The following NELL1 variants were observed in gnomAD, a reference collection of about 807,000 sequenced individuals.
The protein encoded by NELL1 is protein kinase C-binding protein NELL1.
NELL1 carries 76 observed loss-of-function variants against 107.4 expected under a neutral mutation model. The observed-to-expected ratio is 0.71, with a 90% confidence interval of 0.59 to 0.86. The LOEUF (loss-of-function observed/expected upper bound fraction) is 0.86. Among genes scored for constraint, NELL1 ranks in the 40% least tolerant of loss-of-function variants. The probability of loss-of-function intolerance (pLI) is 0.00; values close to 1 mark genes in which losing one functional copy is unlikely to be tolerated. For synonymous variants in NELL1, 353 were observed against 341.2 expected (o/e 1.03, Z -0.38); for missense variants, 1,024 against 1,005.5 (o/e 1.02, Z -0.25).
chr11:21,429,706 C>CA (rs1564889494), intron 15 of NELL1, among the ~76,000 whole-genome samples: 1 of 152,152 alleles, frequency 6.6e-6, no homozygotes, highest in Non-Finnish European at 1.5e-5. Flanking sequence ...GGATTGATGA[C>CA]AAAGCCTTTA....
At chr11:20,856,912 A>G (rs1032891337) in intron 4 of NELL1, among the ~76,000 whole-genome samples, 1 of 152,118 alleles carries the variant, frequency 6.6e-6, no homozygotes, top group African/African-American at 2.4e-5. Flanking sequence ...GGAGGTTTTG[A>G]GATGCTAAGT....
intron 14 of NELL1, chr11:21,284,207 C>G (rs1189141239): frequency 2.2e-6 from 1 of 456,688 alleles, no homozygotes; most frequent in Non-Finnish European, 4.4e-6. Context: ...CACCCTAGAT[C>G]TCTATGCCAG....
chr11:21,250,837 C>A (rs1050371250), intron 14 of NELL1, among the ~76,000 whole-genome samples: 1 of 152,162 alleles, frequency 6.6e-6, no homozygotes, highest in Non-Finnish European at 1.5e-5. Flanking sequence ...CTTCTCACTG[C>A]TAAAGGTGGC....
intron 15 of NELL1, among the ~76,000 whole-genome samples, chr11:21,381,833 T>C (rs1851614876): frequency 6.6e-6 from 1 of 151,180 alleles, no homozygotes; most frequent in Non-Finnish European, 1.5e-5. Flanking sequence ...AGTTCTGCTC[T>C]GGGGAAAGAC....
chr11:21,391,766 C>T (rs1851883715), intron 15 of NELL1, among the ~76,000 whole-genome samples: 1 of 151,684 alleles, frequency 6.6e-6, no homozygotes. Context: ...TCTGGAGAAA[C>T]TGGGACTACA....
chr11:20,933,929 A>G (rs555056655), intron 9 of NELL1, among the ~76,000 whole-genome samples: 1 of 152,308 alleles, frequency 6.6e-6, no homozygotes, highest in East Asian at 1.9e-4. Context: ...CTAGGTTTCA[A>G]TTTTGTGTTT....
intron 5 of NELL1, among the ~76,000 whole-genome samples, chr11:20,899,769 T>A (rs1375290604): frequency 6.6e-6 from 1 of 152,088 alleles, no homozygotes; most frequent in Non-Finnish European, 1.5e-5. Flanking sequence ...AAAAAAAGCA[T>A]ATAACAATAA....
At chr11:21,488,648 A>C (rs1418321153) in intron 15 of NELL1, among the ~76,000 whole-genome samples, 2 of 152,192 alleles carry the variant, frequency 1.3e-5, no homozygotes, top group African/African-American at 4.8e-5. Flanking sequence ...TGAAAAGTAT[A>C]CAAATACAAA....
At chr11:20,966,129 C>G (rs1461081812) in intron 12 of NELL1, among the ~76,000 whole-genome samples, 2 of 152,122 alleles carry the variant, frequency 1.3e-5, no homozygotes, top group African/African-American at 4.8e-5. Context: ...GCCGCTGTAA[C>G]AGAACACCTG....
At chr11:20,927,162 CA>C (rs200070894) in intron 7 of NELL1, 145 bp from the exon 8 acceptor site, 11 of 679,296 alleles carry the variant, frequency 1.6e-5, no homozygotes, top group Non-Finnish European at 2.1e-5. Flanking sequence ...ATAAAAAAAA[CA>C]AAAAACAGAT....
intron 16 of NELL1, among the ~76,000 whole-genome samples, chr11:21,558,540 C>A (rs1293481062): frequency 6.6e-6 from 1 of 151,808 alleles, no homozygotes. Context: ...TTCTATTTAA[C>A]TGAAATTTTG....
At chr11:21,342,757 A>G (rs1430489859) in intron 14 of NELL1, among the ~76,000 whole-genome samples, 1 of 151,842 alleles carries the variant, frequency 6.6e-6, no homozygotes, top group African/African-American at 2.4e-5. Context: ...TATGCATGTG[A>G]GGAACTTAGC....
At chr11:21,293,336 A>G (rs1419904579) in intron 14 of NELL1, among the ~76,000 whole-genome samples, 1 of 152,222 alleles carries the variant, frequency 6.6e-6, no homozygotes, top group Admixed American at 6.5e-5. Flanking sequence ...AAAAAAACTC[A>G]TCATCACTGG....
chr11:21,423,166 A>T (rs1037172735), intron 15 of NELL1, among the ~76,000 whole-genome samples: 2 of 152,094 alleles, frequency 1.3e-5, no homozygotes, highest in Non-Finnish European at 2.9e-5. Flanking sequence ...AGAGATGGAG[A>T]CCATCCTCGC....
intron 14 of NELL1, among the ~76,000 whole-genome samples, chr11:21,342,628 A>G (rs1590854394): frequency 6.8e-6 from 1 of 147,248 alleles, no homozygotes. Context: ...TGGATGACAG[A>G]GAGAGACTGT....
chr11:20,853,019 C>T (rs1848820104), intron 4 of NELL1, among the ~76,000 whole-genome samples: 1 of 152,196 alleles, frequency 6.6e-6, no homozygotes, highest in Admixed American at 6.5e-5. Context: ...CTCTCAATTT[C>T]TTACCAGCCT....
chr11:21,173,811 A>G (rs1856657027), intron 13 of NELL1, among the ~76,000 whole-genome samples: 1 of 151,514 alleles, frequency 6.6e-6, no homozygotes, highest in East Asian at 1.9e-4. Flanking sequence ...TGCTACAGGA[A>G]TTCAGTGGAA....
intron 3 of NELL1, among the ~76,000 whole-genome samples, chr11:20,840,522 GT>G (rs1819702892): frequency 6.6e-6 from 1 of 152,198 alleles, no homozygotes; most frequent in African/African-American, 2.4e-5. Flanking sequence ...TATAATGGCT[GT>G]TGGCTGGGAT....
intron 12 of NELL1, among the ~76,000 whole-genome samples, chr11:21,084,945 C>T (rs979329557): frequency 6.6e-6 from 1 of 152,024 alleles, no homozygotes; most frequent in Non-Finnish European, 1.5e-5. Context: ...GCAGAGTGAC[C>T]CTGGACTAGA....
Sources: allele counts gnomAD v4.1 joint callset (sites outside exome capture counted in the v4.1 genomes callset), GRCh38; gene constraint gnomAD v4.1.1; transcripts MANE v1.5; gene names NCBI Gene and HGNC (gene_info 2026-07-23, HGNC 2026-07-21).